VDAC1: variants seen among roughly 807,000 people sequenced by gnomAD.
VDAC1 encodes the protein voltage dependent anion channel 1.
A neutral mutation model predicts 34.7 loss-of-function variants in VDAC1; 10 were observed. The ratio of observed to expected loss-of-function variants is 0.29; its 90% CI spans 0.18 to 0.49. VDAC1 has a LOEUF of 0.49. Ranked by LOEUF, VDAC1 falls within the 20% of genes least tolerant of loss-of-function variation. VDAC1 has a pLI of 0.99. For missense variants in VDAC1, 230 were observed against 347.9 expected (o/e 0.66, Z 2.69); for synonymous variants, 130 against 136.0 (o/e 0.96, Z 0.30).
the VDAC1 span, among the ~76,000 whole-genome samples, chr5:134,087,888 G>A: frequency 1.3e-5 from 2 of 149,838 alleles, no homozygotes; most frequent in African/African-American, 4.9e-5. Flanking sequence ...GTTGGTTCAC[G>A]CCTGTAATCC....
chr5:134,100,966 TC>T, the VDAC1 span, among the ~76,000 whole-genome samples: 23 of 152,384 alleles, frequency 1.5e-4, no homozygotes, highest in South Asian at 8.3e-4. Flanking sequence ...CTCATATTTT[TC>T]TTGGCCTGGC....
the VDAC1 span, among the ~76,000 whole-genome samples, chr5:134,094,064 G>A: frequency 6.6e-6 from 1 of 152,250 alleles, no homozygotes; most frequent in Non-Finnish European, 1.5e-5. Context: ...GACTCCATGA[G>A]GCCAGTGAGC....
the VDAC1 span, among the ~76,000 whole-genome samples, chr5:134,110,519 A>G: frequency 6.6e-6 from 1 of 152,356 alleles, no homozygotes; most frequent in Non-Finnish European, 1.5e-5. Flanking sequence ...GAAACTACAC[A>G]GAGTTTCCAG....
the VDAC1 span, among the ~76,000 whole-genome samples, chr5:134,079,238 C>T: frequency 6.6e-6 from 1 of 152,156 alleles, no homozygotes; most frequent in South Asian, 2.1e-4. Flanking sequence ...CTCAGCCTCC[C>T]GCAGTGCTGG....
At chr5:134,044,929 G>A in the VDAC1 span, among the ~76,000 whole-genome samples, 2 of 152,214 alleles carry the variant, frequency 1.3e-5, no homozygotes, top group Admixed American at 1.3e-4. Flanking sequence ...CTGGGGAAGG[G>A]AGGCCTAGGC....
chr5:134,072,314 G>A, the VDAC1 span, among the ~76,000 whole-genome samples: 2 of 152,150 alleles, frequency 1.3e-5, no homozygotes, highest in Non-Finnish European at 2.9e-5. Flanking sequence ...GATTAAAACT[G>A]GAGCCAGACT....
chr5:134,095,484 G>GTAAATAAA, the VDAC1 span, among the ~76,000 whole-genome samples: 14,965 of 142,460 alleles, frequency 0.11, 893 homozygotes, highest in Middle Eastern at 0.2. Flanking sequence ...CTCTGTCTCA[G>GTAAATAAA]TAAATAAATA....
At chr5:134,027,678 C>T in the VDAC1 span, among the ~76,000 whole-genome samples, 1 of 151,706 alleles carries the variant, frequency 6.6e-6, no homozygotes, top group African/African-American at 2.4e-5. Flanking sequence ...TCATTTGTTT[C>T]AATTACCCGT....
the VDAC1 span, among the ~76,000 whole-genome samples, chr5:134,081,087 G>C: frequency 7.9e-5 from 12 of 151,548 alleles, 1 homozygote; most frequent in East Asian, 9.6e-4. Context: ...GCCCAGGCTG[G>C]AGTGCAATGG....
At chr5:134,021,759 G>C in the VDAC1 span, among the ~76,000 whole-genome samples, 3 of 152,298 alleles carry the variant, frequency 2.0e-5, no homozygotes, top group Admixed American at 1.3e-4. Context: ...CAGGTGGGGG[G>C]GCCTAGCCCC....
chr5:134,101,606 C>T, the VDAC1 span, among the ~76,000 whole-genome samples: 4 of 151,796 alleles, frequency 2.6e-5, no homozygotes, highest in East Asian at 3.8e-4. Flanking sequence ...TGAGCTTCAC[C>T]GGCGTCGGCA....
chr5:133,981,636 A>C (rs1312814866), intron 5 of VDAC1, among the ~76,000 whole-genome samples: 1 of 152,226 alleles, frequency 6.6e-6, no homozygotes, highest in Non-Finnish European at 1.5e-5. Context: ...GTCTATAAGC[A>C]GTTCAGTGTC....
chr5:134,055,588 G>GTTTTTGTTTTTT, the VDAC1 span, among the ~76,000 whole-genome samples: 1 of 59,626 alleles, frequency 1.7e-5, no homozygotes, highest in African/African-American at 7.2e-5. Flanking sequence ...CCCCGCTAAT[G>GTTTTTGTTTTTT]TTTTTTTTTT....
chr5:134,034,225 T>A, the VDAC1 span, among the ~76,000 whole-genome samples: 3 of 152,160 alleles, frequency 2.0e-5, no homozygotes, highest in South Asian at 6.2e-4. Flanking sequence ...TGTTAGTATA[T>A]TTGTTTTTCA....
At chr5:134,040,030 C>CCCTT in the VDAC1 span, among the ~76,000 whole-genome samples, 1 of 152,190 alleles carries the variant, frequency 6.6e-6, no homozygotes, top group African/African-American at 2.4e-5. Context: ...CAAAATTGGG[C>CCCTT]CCTTCCAGGG....
the VDAC1 span, among the ~76,000 whole-genome samples, chr5:134,036,659 T>TAAAA: frequency 8.7e-4 from 130 of 149,450 alleles, no homozygotes; most frequent in African/African-American, 2.9e-3. Flanking sequence ...CTGTCTTTTT[T>TAAAA]AAAAAAAAAA....
the VDAC1 span, among the ~76,000 whole-genome samples, chr5:134,057,998 G>T: frequency 2.6e-5 from 4 of 152,030 alleles, no homozygotes; most frequent in Non-Finnish European, 4.4e-5. Context: ...CTGGGCTCAA[G>T]CAATCCTCCC....
At chr5:134,106,414 C>CTCTTT in the VDAC1 span, among the ~76,000 whole-genome samples, 35 of 146,584 alleles carry the variant, frequency 2.4e-4, no homozygotes, top group Admixed American at 9.5e-4. Flanking sequence ...TTGTCATCCT[C>CTCTTT]TTTTTTTTTT....
the VDAC1 span, among the ~76,000 whole-genome samples, chr5:134,034,526 C>T: frequency 1.1e-3 from 162 of 152,314 alleles, no homozygotes; most frequent in African/African-American, 3.7e-3. Context: ...GAATGCCACG[C>T]GCCGGACGCT....
Sources: gnomAD v4.1 joint callset for allele counts (sites outside exome capture counted in the v4.1 genomes callset) on GRCh38, gnomAD v4.1.1 for gene constraint, MANE v1.5 for transcripts, NCBI Gene and HGNC (gene_info 2026-07-23, HGNC 2026-07-21) for gene names.